The following WDR7 variants were observed in gnomAD, a reference collection of about 807,000 sequenced individuals.
WDR7 encodes WD repeat domain 7.
A neutral mutation model predicts 169.4 loss-of-function variants in WDR7; 46 were observed. The observed-to-expected ratio is 0.27, with a 90% CI of 0.21 to 0.35. The LOEUF is 0.35. Among genes scored for constraint, WDR7 ranks in the 10% least tolerant of loss-of-function variants. The pLI is 1.00. For synonymous variants in WDR7, 612 were observed against 666.8 expected (o/e 0.92, Z 1.27); for missense variants, 1,534 against 1,859.3 (o/e 0.83, Z 3.22).
intron 21 of WDR7, among the ~76,000 whole-genome samples, chr18:56,901,468 C>T (rs1033988989): frequency 6.6e-6 from 1 of 152,062 alleles, no homozygotes; most frequent in Non-Finnish European, 1.5e-5. Flanking sequence ...ACAACTAACT[C>T]CATTTTGCAT....
chr18:56,968,687 G>T (rs985351510), intron 26 of WDR7, among the ~76,000 whole-genome samples: 1 of 152,090 alleles, frequency 6.6e-6, no homozygotes, highest in African/African-American at 2.4e-5. Context: ...CATGTGCCTT[G>T]TCACGCAGCC....
At chr18:56,687,361 T>A (rs2025463761) in intron 7 of WDR7, among the ~76,000 whole-genome samples, 1 of 152,228 alleles carries the variant, frequency 6.6e-6, no homozygotes, top group Non-Finnish European at 1.5e-5. Context: ...GAAAGTCTTC[T>A]CATATCACTT....
chr18:56,749,477 TTC>T (rs1199154722), intron 14 of WDR7, among the ~76,000 whole-genome samples: 2 of 151,866 alleles, frequency 1.3e-5, no homozygotes, highest in African/African-American at 4.8e-5. Flanking sequence ...TCAAAGGAGA[TTC>T]TGATTTTTTT....
intron 26 of WDR7, among the ~76,000 whole-genome samples, chr18:56,968,662 A>C (rs1213520118): frequency 6.6e-6 from 1 of 152,124 alleles, no homozygotes; most frequent in Admixed American, 6.6e-5. Context: ...CAGGAGGTAA[A>C]TTCTGGAACG....
chr18:56,657,112 T>C (rs2024792304), intron 1 of WDR7, among the ~76,000 whole-genome samples: 1 of 151,946 alleles, frequency 6.6e-6, no homozygotes, highest in Non-Finnish European at 1.5e-5. Context: ...CCTTTATTCC[T>C]GGGTTTATCT....
chr18:56,716,995 C>G (rs2026208057), intron 12 of WDR7, among the ~76,000 whole-genome samples: 1 of 152,120 alleles, frequency 6.6e-6, no homozygotes, highest in Non-Finnish European at 1.5e-5. Context: ...GAACCCCCAG[C>G]AGGGTGAGGT....
intron 20 of WDR7, among the ~76,000 whole-genome samples, chr18:56,868,758 T>A (rs182037639): frequency 1.3e-4 from 20 of 152,290 alleles, no homozygotes; most frequent in Admixed American, 2.0e-4. Flanking sequence ...CGAATAATGG[T>A]CTCAGTGTTA....
intron 2 of WDR7, among the ~76,000 whole-genome samples, chr18:56,673,083 C>G (rs1236306918): frequency 6.6e-6 from 1 of 151,922 alleles, no homozygotes; most frequent in African/African-American, 2.4e-5. Flanking sequence ...TATTGTCATT[C>G]CTTACTACTA....
At chr18:56,924,657 C>T (rs1388366225) in intron 22 of WDR7, among the ~76,000 whole-genome samples, 2 of 152,174 alleles carry the variant, frequency 1.3e-5, no homozygotes, top group African/African-American at 2.4e-5. Context: ...GGGAAACACA[C>T]GTGGTGACCA....
intron 23 of WDR7, 177 bp downstream of exon 23, chr18:56,936,082 G>A: frequency 1.8e-6 from 1 of 551,302 alleles, no homozygotes; most frequent in Non-Finnish European, 3.1e-6. Context: ...GAATTCCACG[G>A]TGTGGTGCAT....
intron 21 of WDR7, among the ~76,000 whole-genome samples, chr18:56,892,783 G>A (rs2046281642): frequency 1.3e-5 from 2 of 152,050 alleles, no homozygotes; most frequent in Admixed American, 6.6e-5. Context: ...GGGCTTTGAG[G>A]TGACTTTGAT....
chr18:56,909,389 G>T (rs933680406), intron 21 of WDR7, among the ~76,000 whole-genome samples: 1 of 152,020 alleles, frequency 6.6e-6, no homozygotes, highest in Non-Finnish European at 1.5e-5. Flanking sequence ...AACATGGTTT[G>T]GTAATGTCAT....
intron 13 of WDR7, among the ~76,000 whole-genome samples, chr18:56,723,081 C>G (rs1048216792): frequency 1.3e-5 from 2 of 152,168 alleles, no homozygotes; most frequent in African/African-American, 2.4e-5. Flanking sequence ...TTACCTCTTA[C>G]TGTTCTTTTA....
intron 20 of WDR7, among the ~76,000 whole-genome samples, chr18:56,824,170 T>A (rs2045155224): frequency 6.6e-6 from 1 of 152,190 alleles, no homozygotes; most frequent in Non-Finnish European, 1.5e-5. Context: ...TGCCCCTCCA[T>A]CTGACTGGCA....
At chr18:56,812,285 A>G (rs2044882619) in intron 19 of WDR7, among the ~76,000 whole-genome samples, 2 of 152,244 alleles carry the variant, frequency 1.3e-5, no homozygotes, top group South Asian at 2.1e-4. Flanking sequence ...TTACTAACAT[A>G]TAGAAATAGA....
intron 21 of WDR7, among the ~76,000 whole-genome samples, chr18:56,895,954 G>T (rs2046327359): frequency 6.6e-6 from 1 of 151,590 alleles, no homozygotes. Flanking sequence ...TGGAATATAT[G>T]ATTTATTTTG....
chr18:56,699,948 C>T (rs1420155505), intron 12 of WDR7: 14 of 880,664 alleles, frequency 1.6e-5, no homozygotes, highest in Middle Eastern at 1.2e-3. Flanking sequence ...CCCACTCCTT[C>T]ATTTTTGAGC....
intron 19 of WDR7, among the ~76,000 whole-genome samples, chr18:56,798,005 G>T (rs117630412): frequency 6.6e-6 from 1 of 151,696 alleles, no homozygotes; most frequent in African/African-American, 2.4e-5. Context: ...CATATATGTC[G>T]CAGGGAAATG....
chr18:56,687,226 T>A (rs942116441), intron 7 of WDR7, among the ~76,000 whole-genome samples: 2 of 152,230 alleles, frequency 1.3e-5, no homozygotes, highest in African/African-American at 4.8e-5. Context: ...TTTTTGCTAC[T>A]GTTTTAGTCA....
Sources: gnomAD v4.1 joint callset for allele counts (sites outside exome capture counted in the v4.1 genomes callset) on GRCh38, gnomAD v4.1.1 for gene constraint, MANE v1.5 for transcripts, NCBI Gene and HGNC (gene_info 2026-07-23, HGNC 2026-07-21) for gene names.